Variants in SUPT3H observed in about 807,000 individuals in gnomAD.
The protein encoded by SUPT3H is transcription initiation protein SPT3 homolog.
SUPT3H carries 44 observed loss-of-function variants against 44.3 expected under a neutral mutation model. The ratio of observed to expected loss-of-function variants is 0.99; its 90% CI spans 0.78 to 1.28. The LOEUF (loss-of-function observed/expected upper bound fraction) is 1.28. Among genes scored for constraint, SUPT3H ranks in the 50% most tolerant of loss-of-function variants. SUPT3H has a pLI of 0.00. For missense variants in SUPT3H, 380 were observed against 387.1 expected, an observed-to-expected ratio of 0.98 and a Z score of 0.15; for synonymous variants, 124 against 125.6, an observed-to-expected ratio of 0.99 and a Z score of 0.09.
chr6:44,818,588 A>G (rs956721795), intron 11 of SUPT3H, among the ~76,000 whole-genome samples: 4 of 152,238 alleles, frequency 2.6e-5, no homozygotes, highest in Admixed American at 2.6e-4. Flanking sequence ...TCTAAAAGAC[A>G]TAACACTTAT....
chr6:45,166,443 G>C lies in SUPT3H; in HGVS notation c.102-60437C>G, dbSNP rs549506751. On this transcript the variant is annotated intron_variant, in intron 2 of 10. Transcript: ENST00000371459. ...CTCTACTAAAAAATACAAAAAATTAGGCATAGTGGCAGGTGGCTATAGTCC... is the reference window on the plus strand; with the variant it reads ...CTCTACTAAAAAATACAAAAAATTACGCATAGTGGCAGGTGGCTATAGTCC... 2.0e-3 allele frequency among the ~76,000 whole-genome samples: 301 copies of C among 152,056 alleles called. 3 individuals carry two copies. Among genetic ancestry groups the C allele is most frequent in the Non-Finnish European group, 3.6e-3 (244 of 67,984 alleles).
intron 4 of SUPT3H, among the ~76,000 whole-genome samples, chr6:45,016,452 C>T (rs1409943801): frequency 4.0e-5 from 6 of 149,634 alleles, no homozygotes; most frequent in Middle Eastern, 6.8e-3. Flanking sequence ...CCCATTAACT[C>T]GTCATTTAGC....
chr6:45,157,213 G>A (rs1458745919), intron 2 of SUPT3H, among the ~76,000 whole-genome samples: 1 of 151,748 alleles, frequency 6.6e-6, no homozygotes, highest in East Asian at 1.9e-4. Flanking sequence ...AATTGGAGAG[G>A]CTTAACAAGC....
At chr6:45,321,520 A>G (rs1411964920) in intron 2 of SUPT3H, among the ~76,000 whole-genome samples, 1 of 152,154 alleles carries the variant, frequency 6.6e-6, no homozygotes, top group Non-Finnish European at 1.5e-5. Context: ...TTGTACTATA[A>G]AAACATGATA....
Position 44,890,927 on chromosome 6 carries a change from C to G in SUPT3H, c.912+41726G>C, listed in dbSNP as rs150552405. Among the ~76,000 whole-genome samples, 325 of 150,894 alleles carry G rather than the reference C, an allele frequency of 2.2e-3. 1 individual carries two copies. Among genetic ancestry groups the G allele is most frequent in the African/African-American group, 7.6e-3 (311 of 41,114 alleles). On this transcript the variant is annotated intron_variant, in intron 10 of 10. Coordinates refer to ENST00000371459, the MANE Select transcript of SUPT3H (RefSeq NM_003599.4). ...CCAAACACTGCAAGTCGGAGTTGAA[C>G]AATAAGAACACAAGGACACAGGAAG...
chr6:44,950,333 C>T (rs1369699823), intron 9 of SUPT3H, among the ~76,000 whole-genome samples: 2 of 152,134 alleles, frequency 1.3e-5, no homozygotes, highest in African/African-American at 4.8e-5. Flanking sequence ...GTATTGGCTC[C>T]TAAGAAATTC....
chr6:45,139,692 C>T (rs906867544), intron 2 of SUPT3H, among the ~76,000 whole-genome samples: 9 of 152,066 alleles, frequency 5.9e-5, no homozygotes, highest in Non-Finnish European at 1.0e-4. Context: ...GGGAGCCACA[C>T]GAAATATAAA....
At chr6:44,977,590 G>T (rs1434756061) in intron 6 of SUPT3H, among the ~76,000 whole-genome samples, 7 of 152,042 alleles carry the variant, frequency 4.6e-5, no homozygotes, top group Non-Finnish European at 1.0e-4. Context: ...AGCTAAACTG[G>T]GTCAGGTTTG....
chr6:45,302,025 C>T (rs916334352), intron 2 of SUPT3H, among the ~76,000 whole-genome samples: 3 of 152,154 alleles, frequency 2.0e-5, no homozygotes, highest in African/African-American at 4.8e-5. Flanking sequence ...TCCACAGCAA[C>T]CAATGAGGCC....
chr6:45,352,826 T>C (rs1302709762), intron 2 of SUPT3H, among the ~76,000 whole-genome samples: 1 of 152,098 alleles, frequency 6.6e-6, no homozygotes, highest in Non-Finnish European at 1.5e-5. Context: ...TATCTACATA[T>C]ATATAATTCT....
intron 2 of SUPT3H, among the ~76,000 whole-genome samples, chr6:45,125,608 G>A (rs539792506): frequency 1.3e-5 from 2 of 152,020 alleles, no homozygotes; most frequent in Non-Finnish European, 2.9e-5. Context: ...TGATTTCAGG[G>A]ATAGTTATGA....
In SUPT3H at chr6:44,959,497, G is replaced by C. The variant is rs531813668; in HGVS notation, c.580+2256C>G. Among the ~76,000 whole-genome samples, 9 of 151,924 alleles carry C rather than the reference G, an allele frequency of 5.9e-5. No individual in the cohort carries two copies. In the East Asian group the frequency reaches 1.7e-3, roughly 29 times the overall value. Reference sequence around the variant, plus strand: ...GATAAAACCAAATATAAAATAAAAAGTTGAAAGTAAAGGACTGGAAAATAA... The same window carrying C: ...GATAAAACCAAATATAAAATAAAAACTTGAAAGTAAAGGACTGGAAAATAA... On this transcript the variant is annotated intron_variant, in intron 7 of 10. Transcript: ENST00000371459.
chr6:44,826,953 C>T lies in SUPT3H; in HGVS notation c.*2863G>A, dbSNP rs751146085. 1.6e-4 allele frequency among the ~76,000 whole-genome samples: 24 copies of T among 152,100 alleles called. No homozygotes were observed. The highest frequency in any genetic ancestry group is 2.4e-4 in the Non-Finnish European group (16 of 67,994). On this transcript the variant is annotated 3_prime_UTR_variant, in exon 11 of 11. Coordinates refer to ENST00000371459, the MANE Select transcript of SUPT3H (RefSeq NM_003599.4). ...TTGAAACAGTATTTTTGAATCACAA[C>T]GATTACAATCTAAGAAGGCAGGAAA...
At chr6:45,004,401 CAACTT>C (rs1194552379) in intron 5 of SUPT3H, among the ~76,000 whole-genome samples, 1 of 151,744 alleles carries the variant, frequency 6.6e-6, no homozygotes, top group Non-Finnish European at 1.5e-5. Context: ...TTAAATTTGA[CAACTT>C]AAGGTTACAG....
intron 3 of SUPT3H, among the ~76,000 whole-genome samples, chr6:45,033,745 C>T (rs1787295481): frequency 6.6e-6 from 1 of 152,084 alleles, no homozygotes; most frequent in Non-Finnish European, 1.5e-5. Context: ...TTTTAAGTGT[C>T]TCAAAGAGAC....
rs554300937 is a variant in SUPT3H, at chr6:45,214,317, T to C, written c.102-108311A>G. On this transcript the variant is annotated intron_variant, in intron 2 of 10. Coordinates refer to ENST00000371459, the MANE Select transcript of SUPT3H (RefSeq NM_003599.4). ...AAAAGCAAAAATTGCCAAATGGGAA[T>C]GTAATGTGATTGACAGTATTCAGAA... Among the ~76,000 whole-genome samples the C allele has an allele frequency of 6.6e-5, 10 of 152,150 alleles. No individual in the cohort carries two copies. In the East Asian group the frequency reaches 1.7e-3, roughly 26 times the overall value.
intron 2 of SUPT3H, among the ~76,000 whole-genome samples, chr6:45,301,611 T>A (rs1415259242): frequency 6.6e-6 from 1 of 152,154 alleles, no homozygotes; most frequent in African/African-American, 2.4e-5. Flanking sequence ...TTTATGTCCC[T>A]AAAAATCCTG....
At chr6:45,161,750 C>T (rs1809013364) in intron 2 of SUPT3H, among the ~76,000 whole-genome samples, 2 of 152,122 alleles carry the variant, frequency 1.3e-5, no homozygotes, top group South Asian at 4.1e-4. Flanking sequence ...TTAATAAAGA[C>T]CTACTATATT....
At chr6:45,237,518 G>A (rs6921295) in intron 2 of SUPT3H, among the ~76,000 whole-genome samples, 9,374 of 152,164 alleles carry the variant, frequency 0.062, 988 homozygotes, top group African/African-American at 0.21. Context: ...CATGAAATGG[G>A]GTATGTCCCT....
Sources: allele counts gnomAD v4.1 joint callset (sites outside exome capture counted in the v4.1 genomes callset), GRCh38; gene constraint gnomAD v4.1.1; transcripts MANE v1.5; gene names NCBI Gene and HGNC (gene_info 2026-07-23, HGNC 2026-07-21).